The following SFTPA2 variants were observed in gnomAD, a reference collection of about 807,000 sequenced individuals.
SFTPA2 encodes the protein surfactant protein A2.
SFTPA2 carries 21 observed loss-of-function variants against 20.3 expected under a neutral mutation model. That is an observed-to-expected ratio of 1.03 (90% CI 0.73 to 1.49). The LOEUF is 1.49. Among genes scored for constraint, SFTPA2 ranks in the 40% most tolerant of loss-of-function variants. The pLI is 0.00. For missense variants in SFTPA2, 302 were observed against 314.8 expected (o/e 0.96, Z 0.31); for synonymous variants, 116 against 118.7 (o/e 0.98, Z 0.15).
At chr10:79,558,787 G>C in intron 4 of SFTPA2, 99 bp downstream of exon 4, 3 of 1,599,044 alleles carry the variant, frequency 1.9e-6, no homozygotes, top group African/African-American at 1.3e-5. Flanking sequence ...ATGCCCTTGG[G>C]GAACCTGCAG....
Position 79,559,458 on chromosome 10 carries a change from G to T in SFTPA2, c.26C>A (p.Thr9Asn), listed in dbSNP as rs1059046. MWLCPLAL[T>N]LILMAASGAA... ...ACCAGAGGCTGCCATCAAGATGAGG[G>T]TGAGGGCCAGAGGGCACAGCCACAT... Residue 9 changes from threonine (T) to asparagine (N), a missense_variant, in exon 3 of 6, where the codon ACC becomes AAC. Physicochemically the swap from Thr to Asn is moderately conservative, Grantham distance 65. Around this residue, in one of 3 missense-constraint regions of SFTPA2, gnomAD observed 31 missense variants for 29.8 expected, o/e 1.04. Coordinates refer to ENST00000372325, the MANE Select transcript of SFTPA2 (RefSeq NM_001098668.4). 0.6 allele frequency: 811,931 copies of T among 1,350,312 alleles called. 280,757 individuals carry two copies. Among genetic ancestry groups the T allele is most frequent in the Non-Finnish European group, 0.65 (620,838 of 955,668 alleles). The allele number at this position is 1,350,312 out of a possible 1,614,324, so 83.6% of individuals were successfully genotyped here. A position where few individuals can be genotyped will look rare whatever the true frequency, so the allele number is the denominator to read the frequency against.
In SFTPA2 at chr10:79,557,239, C is replaced by T. The variant is rs763904579; in HGVS notation, c.717G>A (p.Leu239=). Residue 239 remains leucine (L), a synonymous_variant, in exon 6 of 6, where the codon CTG becomes CTA. Transcript: ENST00000372325. ...TDGQWNDRNC[L]YSRLTICEF ...ACTCACAGATGGTCAGTCGGGAGTA[C>T]AGGCAGTTCCTGTCATTCCACTGCC... The T allele has an allele frequency of 3.7e-6, 6 of 1,614,174 alleles. No homozygotes were observed. The highest frequency in any genetic ancestry group is 5.1e-6 in the Non-Finnish European group (6 of 1,180,020).
In SFTPA2 at chr10:79,556,710, T is replaced by C. The variant is rs539961615; in HGVS notation, c.*499A>G. On this transcript the variant is annotated 3_prime_UTR_variant, in exon 6 of 6. Transcript: ENST00000372325. Reference sequence around the variant, plus strand: ...GTGCCAGAGAATCTCCACTGTGTCCTTAGCTCCACACAGTCAGGGCTTCCC... The same window carrying C: ...GTGCCAGAGAATCTCCACTGTGTCCCTAGCTCCACACAGTCAGGGCTTCCC... The C allele has an allele frequency of 1.1e-3, 235 of 215,552 alleles. No homozygotes were observed. The highest frequency in any genetic ancestry group is 2.1e-3 in the Admixed American group (41 of 19,172). 13.4% of individuals were successfully genotyped at this position (215,552 alleles called of 1,614,324 possible).
chr10:79,557,468 G>A lies in SFTPA2; in HGVS notation c.488C>T (p.Ala163Val), dbSNP rs778933336. Residue 163 changes from alanine to valine, a missense_variant, in exon 6 of 6, where the codon GCT (alanine) becomes GTT (valine). Around this residue, in one of 3 missense-constraint regions of SFTPA2, gnomAD observed 264 missense variants for 261.7 expected, o/e 1.01. Coordinates refer to ENST00000372325, the MANE Select transcript of SFTPA2 (RefSeq NM_001098668.4). ...EACARAGGRI[A>V]VPRNPEENEA... is the part of the protein sequence containing the mutation. The stretch of plus-strand genomic sequence containing the variant: ...ATTTTCCTCTGGATTCCTTGGGACA[G>A]CAATGCGGCCGCCTGCTCTGGCACA... 1.2e-6 allele frequency: 2 copies of A among 1,613,712 alleles called. No homozygotes were observed. The highest frequency in any genetic ancestry group is 1.7e-6 in the Non-Finnish European group (2 of 1,179,756).
chr10:79,557,092 T>G lies in SFTPA2; in HGVS notation c.*117A>C. ...TGGCTAAGGGTGCCTCCAGCTCTAA[T>G]AGCCACAAGTGAATTCTGTTGAAAG... On this transcript the variant is annotated 3_prime_UTR_variant, in exon 6 of 6. Transcript: ENST00000372325. The G allele has an allele frequency of 1.9e-6, 3 of 1,571,956 alleles. No homozygotes were observed. The highest frequency in any genetic ancestry group is 2.6e-6 in the Non-Finnish European group (3 of 1,151,732).
chr10:79,557,850 G>A (rs1243446001), intron 5 of SFTPA2, among the ~76,000 whole-genome samples: 1 of 152,224 alleles, frequency 6.6e-6, no homozygotes, highest in Non-Finnish European at 1.5e-5. Flanking sequence ...CAGAGAACTT[G>A]CTTTCTTATG....
Position 79,558,038 on chromosome 10 carries a change from G to A in SFTPA2, c.370+14C>T, listed in dbSNP as rs911451774. On this transcript the variant is annotated intron_variant, in intron 5 of 5. Transcript: ENST00000372325. ...GGAAACTCCTACCCCGTGAGGCCCA[G>A]GGGGTCCCCTTACCTCCCCTTGTCT... 5.0e-6 allele frequency: 8 copies of A among 1,614,036 alleles called. No homozygotes were observed. In the East Asian group the frequency reaches 6.7e-5, roughly 13 times the overall value.
chr10:79,559,608 G>T, intron 2 of SFTPA2, 102 bp from the exon 3 acceptor site: 3 of 1,587,210 alleles, frequency 1.9e-6, no homozygotes, highest in Non-Finnish European at 2.6e-6. Context: ...CGAGAGGCAG[G>T]GCGGGCGAGA....
rs556638777 is a variant in SFTPA2, at chr10:79,557,946, C to T, written c.370+106G>A. ...CAAGCATCATTCCTTTCCCCAACAC[C>T]TGCATGTGCACGCTTGTTTGTCATC... is the stretch of plus-strand genomic sequence containing the variant. On this transcript the variant is annotated intron_variant, in intron 5 of 5. Coordinates refer to ENST00000372325, the MANE Select transcript of SFTPA2 (RefSeq NM_001098668.4). The T allele has an allele frequency of 3.9e-5, 60 of 1,556,538 alleles. No homozygotes were observed. In the East Asian group the frequency reaches 1.0e-3, roughly 26 times the overall value.
chr10:79,556,910 A>C lies in SFTPA2; in HGVS notation c.*299T>G. 2.0e-5 allele frequency: 10 copies of C among 507,050 alleles called. No individual in the cohort carries two copies. The highest frequency in any genetic ancestry group is 3.6e-5 in the East Asian group (1 of 27,566). The allele number at this position is 507,050 out of a possible 1,614,324, so 31.4% of individuals were successfully genotyped here. ...ACTGCTGCCATCTGTAAGTGAAGGA[A>C]CTGGACCAGATGGGGAATAAGGAGG... On this transcript the variant is annotated 3_prime_UTR_variant, in exon 6 of 6. Coordinates refer to ENST00000372325, the MANE Select transcript of SFTPA2 (RefSeq NM_001098668.4).
chr10:79,558,562 C>T (rs1858950738), intron 4 of SFTPA2, among the ~76,000 whole-genome samples: 1 of 152,096 alleles, frequency 6.6e-6, no homozygotes, highest in Admixed American at 6.5e-5. Flanking sequence ...TCCGCATTCA[C>T]CCTTCAGACT....
At chr10:79,560,029 C>T in intron 1 of SFTPA2, 31 bp from the exon 2 acceptor site, 1 of 1,121,486 alleles carries the variant, frequency 8.9e-7, no homozygotes, top group Non-Finnish European at 1.1e-6. Flanking sequence ...ATAGGGCCCA[C>T]AGCCTGGACC....
chr10:79,559,523 C>T lies in SFTPA2; in HGVS notation c.-23-17G>A, dbSNP rs775294826. On this transcript the variant is annotated splice_polypyrimidine_tract_variant and intron_variant, in intron 2 of 5. Coordinates refer to ENST00000372325, the MANE Select transcript of SFTPA2 (RefSeq NM_001098668.4). ...TCGCTGCTCCTGCCGGAGGGATGGC[C>T]GTGAGCCCATCTGCCACCTCTGCCA... 2.7e-5 allele frequency: 43 copies of T among 1,608,976 alleles called. No individual in the cohort carries two copies. The highest frequency in any genetic ancestry group is 8.8e-5 in the South Asian group (8 of 90,780).
rs1858823092 is a variant in SFTPA2, at chr10:79,557,019, C to T, written c.*190G>A. ...ATGGTTTGCAAGGGGAGTGTCAAGG[C>T]TGGTCAGTGATTATGGGGAAGAGTC... On this transcript the variant is annotated 3_prime_UTR_variant, in exon 6 of 6. Coordinates refer to ENST00000372325, the MANE Select transcript of SFTPA2 (RefSeq NM_001098668.4). The T allele has an allele frequency of 2.0e-6, 2 of 992,218 alleles. No individual in the cohort carries two copies. The highest frequency in any genetic ancestry group is 1.6e-5 in the African/African-American group (1 of 61,860). 61.5% of individuals were successfully genotyped at this position (992,218 alleles called of 1,614,324 possible).
rs780659389 is a variant in SFTPA2, at chr10:79,559,423, C to T, written c.61G>A (p.Glu21Lys). The change falls in exon 3 of 6, where the codon GAA becomes AAA. Residue 21 changes from glutamate (E) to lysine (K), a missense_variant. Glu to Lys is a moderately conservative substitution (Grantham distance 56). Around this residue, in one of 3 missense-constraint regions of SFTPA2, gnomAD observed 31 missense variants for 29.8 expected, o/e 1.04. Transcript: ENST00000372325. Reference protein sequence around the residue: ...ILMAASGAACEVKDVCVGSPG... With the variant: ...ILMAASGAACKVKDVCVGSPG... ...CTTCCAACACAAACGTCCTTCACTT[C>T]GCACGCAGCACCAGAGGCTGCCATC... 9.3e-6 allele frequency: 15 copies of T among 1,613,592 alleles called. No homozygotes were observed. The highest frequency in any genetic ancestry group is 8.9e-5 in the East Asian group (4 of 44,844).
In SFTPA2 at chr10:79,557,207, T is replaced by C. The variant is rs1373880005; in HGVS notation, c.*2A>G. On this transcript the variant is annotated 3_prime_UTR_variant, in exon 6 of 6. Transcript: ENST00000372325. ...CTCCCTGTCCCATGGCCTAAATGCC[T>C]CTCAGAACTCACAGATGGTCAGTCG... The C allele has an allele frequency of 2.5e-6, 4 of 1,614,026 alleles. No individual in the cohort carries two copies. The highest frequency in any genetic ancestry group is 2.5e-6 in the Non-Finnish European group (3 of 1,180,020).
Position 79,558,661 on chromosome 10 carries a change from C to T in SFTPA2, c.292+225G>A, listed in dbSNP as rs538021457. ...ACCTGACTCAGTGTGTCCCCATCAG[C>T]GGTCATGAGGCACGGAGGACTTCCC... On this transcript the variant is annotated intron_variant, in intron 4 of 5. Coordinates refer to ENST00000372325, the MANE Select transcript of SFTPA2 (RefSeq NM_001098668.4). 1.5e-3 allele frequency among the ~76,000 whole-genome samples: 228 copies of T among 152,186 alleles called. 2 individuals carry two copies. Among genetic ancestry groups the T allele is most frequent in the African/African-American group, 4.3e-3 (177 of 41,498 alleles).
intron 3 of SFTPA2, 29 bp from the exon 4 acceptor site, chr10:79,559,034 G>A: frequency 6.2e-7 from 1 of 1,614,182 alleles, no homozygotes; most frequent in Non-Finnish European, 8.5e-7. Flanking sequence ...TGGATGTGTA[G>A]GATCTGTCAC....
At chr10:79,559,621 A>G (rs756434012) in intron 2 of SFTPA2, 115 bp from the exon 3 acceptor site, 14 of 1,579,776 alleles carry the variant, frequency 8.9e-6, no homozygotes, top group Non-Finnish European at 1.2e-5. Context: ...GGGCGAGACC[A>G]GAGTGCTGGG....
Sources: gnomAD v4.1 joint callset for allele counts (sites outside exome capture counted in the v4.1 genomes callset) on GRCh38, gnomAD v4.1.1 for gene constraint, gnomAD v4.1.1 regional missense constraint, MANE v1.5 for transcripts, NCBI Gene and HGNC (gene_info 2026-07-23, HGNC 2026-07-21) for gene names.